Variants in MALRD1 observed in about 807,000 individuals in gnomAD.
MALRD1 encodes the protein MAM and LDL-receptor class A domain-containing protein 1.
In MALRD1, 247 loss-of-function variants were observed where a neutral mutation model predicts 242.1. The observed-to-expected ratio is 1.02, with a 90% CI of 0.92 to 1.13. The LOEUF (loss-of-function observed/expected upper bound fraction) is 1.13. Ranked by LOEUF, MALRD1 falls within the 50% of genes most tolerant of loss-of-function variation. MALRD1 has a pLI of 0.00. For synonymous variants in MALRD1, 995 were observed against 866.6 expected (o/e 1.15, Z -2.60); for missense variants, 2,989 against 2,533.1 (o/e 1.18, Z -3.86).
At chr10:19,570,883 T>TG (rs1299791021) in intron 33 of MALRD1, among the ~76,000 whole-genome samples, 1 of 152,058 alleles carries the variant, frequency 6.6e-6, no homozygotes, top group Non-Finnish European at 1.5e-5. Flanking sequence ...TGTTTGTAAT[T>TG]GGGAAAAAAT....
At chr10:19,529,549 G>GT (rs900884807) in intron 31 of MALRD1, among the ~76,000 whole-genome samples, 120 of 147,240 alleles carry the variant, frequency 8.1e-4, no homozygotes, top group Middle Eastern at 3.6e-3. Context: ...AAACAGGAGG[G>GT]GGGGGGAGAA....
chr10:19,498,784 G>A, intron 31 of MALRD1, 138 bp downstream of exon 31: 1 of 1,033,668 alleles, frequency 9.7e-7, no homozygotes, highest in Non-Finnish European at 1.3e-6. Flanking sequence ...AAGAGGGCTA[G>A]TCTCTTCTAT....
intron 18 of MALRD1, among the ~76,000 whole-genome samples, chr10:19,242,717 C>G (rs1259024331): frequency 1.3e-5 from 2 of 151,832 alleles, no homozygotes; most frequent in East Asian, 3.9e-4. Flanking sequence ...TTATTTAAAG[C>G]CTTTTAAAAT....
chr10:19,358,032 A>T (rs967720981), intron 26 of MALRD1, among the ~76,000 whole-genome samples: 1 of 152,142 alleles, frequency 6.6e-6, no homozygotes, highest in African/African-American at 2.4e-5. Context: ...TTAATTGCTA[A>T]ATGATGAAGG....
intron 36 of MALRD1, among the ~76,000 whole-genome samples, chr10:19,675,199 A>G (rs1842088361): frequency 6.6e-6 from 1 of 152,180 alleles, no homozygotes; most frequent in African/African-American, 2.4e-5. Context: ...AATAAAAACC[A>G]CACAAGAGCA....
intron 17 of MALRD1, among the ~76,000 whole-genome samples, chr10:19,207,695 T>C (rs940151608): frequency 2.0e-5 from 3 of 151,926 alleles, no homozygotes; most frequent in Admixed American, 6.6e-5. Context: ...TAGAGATGGG[T>C]TTCAGCATGT....
chr10:19,052,629 T>G (rs1244186558), intron 1 of MALRD1, among the ~76,000 whole-genome samples: 1 of 152,158 alleles, frequency 6.6e-6, no homozygotes, highest in Non-Finnish European at 1.5e-5. Flanking sequence ...CCCAGGGGGC[T>G]TGATAGAGTA....
intron 26 of MALRD1, among the ~76,000 whole-genome samples, chr10:19,366,248 G>A (rs554129275): frequency 6.6e-5 from 10 of 151,820 alleles, no homozygotes; most frequent in Admixed American, 6.6e-4. Flanking sequence ...GGGGGTGATG[G>A]GAGGCAGTGA....
At chr10:19,124,203 A>G (rs1272832352) in intron 6 of MALRD1, among the ~76,000 whole-genome samples, 1 of 152,126 alleles carries the variant, frequency 6.6e-6, no homozygotes, top group Non-Finnish European at 1.5e-5. Flanking sequence ...GTGGCAGAAC[A>G]AGACCCTGTC....
At chr10:19,503,468 C>T (rs559408070) in intron 31 of MALRD1, among the ~76,000 whole-genome samples, 16 of 152,258 alleles carry the variant, frequency 1.1e-4, no homozygotes, top group East Asian at 5.8e-4. Flanking sequence ...GAGACATTGA[C>T]GAAGTTGGGG....
chr10:19,095,411 A>T (rs538410163), intron 4 of MALRD1, among the ~76,000 whole-genome samples: 2 of 152,338 alleles, frequency 1.3e-5, no homozygotes, highest in East Asian at 3.9e-4. Flanking sequence ...CCCATTGGAA[A>T]CACTAACCAG....
intron 5 of MALRD1, among the ~76,000 whole-genome samples, chr10:19,115,246 C>T (rs1190218139): frequency 2.0e-5 from 3 of 152,296 alleles, no homozygotes; most frequent in African/African-American, 7.2e-5. Context: ...TCCTCTTCCT[C>T]TGCCTCCTGA....
chr10:19,577,694 A>G (rs1166302709), intron 33 of MALRD1, among the ~76,000 whole-genome samples: 1 of 152,174 alleles, frequency 6.6e-6, no homozygotes, highest in Non-Finnish European at 1.5e-5. Context: ...GAAGCCTTTT[A>G]CGTGAATGAT....
chr10:19,725,093 A>ATG (rs1834956465), intron 38 of MALRD1: 1 of 152,216 alleles, frequency 6.6e-6, no homozygotes, highest in African/African-American at 2.4e-5. Flanking sequence ...ACTAAATGGA[A>ATG]TGACACACTA....
chr10:19,253,167 C>G (rs1235009382), intron 18 of MALRD1, among the ~76,000 whole-genome samples: 2 of 151,730 alleles, frequency 1.3e-5, no homozygotes, highest in Admixed American at 6.6e-5. Context: ...AAGTGGGTGT[C>G]ATTAAGAAGT....
chr10:19,288,176 G>A (rs943413120), intron 21 of MALRD1, among the ~76,000 whole-genome samples: 1 of 151,546 alleles, frequency 6.6e-6, no homozygotes, highest in African/African-American at 2.4e-5. Context: ...TTTAATTTTT[G>A]TGGGTACATG....
At chr10:19,602,744 T>C (rs1253962502) in intron 34 of MALRD1, among the ~76,000 whole-genome samples, 2 of 152,114 alleles carry the variant, frequency 1.3e-5, no homozygotes, top group African/African-American at 2.4e-5. Flanking sequence ...TGGTATTTCT[T>C]GTTCTAGATC....
At chr10:19,662,400 G>C (rs1841481039) in intron 36 of MALRD1, among the ~76,000 whole-genome samples, 1 of 152,060 alleles carries the variant, frequency 6.6e-6, no homozygotes, top group South Asian at 2.1e-4. Context: ...GGTTGCAGAA[G>C]CAAAAAGCAG....
At chr10:19,719,243 T>TATAG in intron 38 of MALRD1, among the ~76,000 whole-genome samples, 1 of 126,424 alleles carries the variant, frequency 7.9e-6, no homozygotes, top group East Asian at 2.2e-4. Context: ...TATATATATA[T>TATAG]ATATATATAT....
Sources: allele counts gnomAD v4.1 joint callset (sites outside exome capture counted in the v4.1 genomes callset), GRCh38; gene constraint gnomAD v4.1.1; transcripts MANE v1.5; gene names NCBI Gene and HGNC (gene_info 2026-07-23, HGNC 2026-07-21).